Variants in TEX9 observed in about 807,000 individuals in gnomAD.
TEX9 encodes testis expressed 9.
TEX9 carries 74 observed loss-of-function variants against 59.6 expected under a neutral mutation model. The observed-to-expected ratio is 1.24, with a 90% CI of 1.03 to 1.51. The LOEUF is 1.51. Among genes scored for constraint, TEX9 ranks in the 40% most tolerant of loss-of-function variants. The pLI is 0.00. For synonymous variants in TEX9, 186 were observed against 152.2 expected (o/e 1.22, Z -1.64); for missense variants, 522 against 447.8 (o/e 1.17, Z -1.49).
intron 1 of TEX9, among the ~76,000 whole-genome samples, chr15:56,336,664 A>G (rs982501859): frequency 3.9e-5 from 6 of 152,196 alleles, no homozygotes; most frequent in African/African-American, 1.4e-4. Flanking sequence ...CATAAGCATT[A>G]CCTATATGAG....
chr15:56,420,920 T>C (rs1389671509), intron 10 of TEX9, among the ~76,000 whole-genome samples: 4 of 151,956 alleles, frequency 2.6e-5, no homozygotes, highest in Admixed American at 6.5e-5. Flanking sequence ...TTGGTTTTAT[T>C]TGAATCACTC....
chr15:56,460,008 A>T, the TEX9 span, among the ~76,000 whole-genome samples: 1 of 55,800 alleles, frequency 1.8e-5, no homozygotes, highest in Admixed American at 2.3e-4. Flanking sequence ...AAAAAAAAAA[A>T]AATACATATA....
At chr15:56,316,161 A>G (rs1376763876) in intron 1 of TEX9, among the ~76,000 whole-genome samples, 2 of 144,700 alleles carry the variant, frequency 1.4e-5, no homozygotes, top group African/African-American at 4.9e-5. Context: ...CGTCAAAGTC[A>G]TTCTCCATCC....
intron 1 of TEX9, among the ~76,000 whole-genome samples, chr15:56,297,785 G>C (rs1374510970): frequency 2.0e-5 from 3 of 152,202 alleles, no homozygotes; most frequent in Non-Finnish European, 4.4e-5. Flanking sequence ...GGTAACAGGC[G>C]TGAGCCACCG....
At chr15:56,253,300 C>T (rs1386303104) in intron 1 of TEX9, among the ~76,000 whole-genome samples, 1 of 152,062 alleles carries the variant, frequency 6.6e-6, no homozygotes, top group Non-Finnish European at 1.5e-5. Flanking sequence ...AAAAAAACCC[C>T]AAAAATCATA....
chr15:56,406,752 G>A (rs552858060), intron 9 of TEX9, among the ~76,000 whole-genome samples: 16 of 151,978 alleles, frequency 1.1e-4, no homozygotes, highest in East Asian at 5.8e-4. Flanking sequence ...CTTCTTTTGC[G>A]ATGTATTTGT....
chr15:56,454,376 T>TAGTTA, the TEX9 span, among the ~76,000 whole-genome samples: 1 of 100,826 alleles, frequency 9.9e-6, no homozygotes, highest in East Asian at 2.5e-4. Context: ...ATACTCTTTA[T>TAGTTA]TTTTAAATGT....
intron 7 of TEX9, among the ~76,000 whole-genome samples, chr15:56,392,036 A>C (rs2048240194): frequency 6.6e-6 from 1 of 151,956 alleles, no homozygotes; most frequent in Non-Finnish European, 1.5e-5. Context: ...CAAAAAAGTA[A>C]GACAATTGAG....
At chr15:56,375,287 G>A (rs1200612071) in intron 3 of TEX9, among the ~76,000 whole-genome samples, 1 of 152,134 alleles carries the variant, frequency 6.6e-6, no homozygotes, top group East Asian at 1.9e-4. Flanking sequence ...ATTTTTTCAT[G>A]TGTTTTTTGG....
intron 10 of TEX9, 131 bp from the exon 11 acceptor site, chr15:56,427,474 A>G: frequency 1.7e-6 from 1 of 573,300 alleles, no homozygotes; most frequent in Non-Finnish European, 2.7e-6. Context: ...ATGGAAAGCA[A>G]TTTTTATCTA....
chr15:56,356,145 G>A (rs1307745430), intron 1 of TEX9, among the ~76,000 whole-genome samples: 1 of 152,082 alleles, frequency 6.6e-6, no homozygotes, highest in Non-Finnish European at 1.5e-5. Flanking sequence ...ATACAAGGTG[G>A]AACCTTCAGT....
chr15:56,429,543 T>C (rs952490832), intron 12 of TEX9: 1 of 160,662 alleles, frequency 6.2e-6, no homozygotes, highest in African/African-American at 2.4e-5. Flanking sequence ...TAATATGATA[T>C]AATGGTGAGC....
chr15:56,286,495 G>A (rs2044956427), intron 1 of TEX9, among the ~76,000 whole-genome samples: 1 of 152,122 alleles, frequency 6.6e-6, no homozygotes, highest in African/African-American at 2.4e-5. Context: ...CAGGACATAA[G>A]CAGTCTTAAA....
chr15:56,296,447 A>G (rs567237287), intron 1 of TEX9, among the ~76,000 whole-genome samples: 2 of 152,344 alleles, frequency 1.3e-5, no homozygotes, highest in East Asian at 3.9e-4. Context: ...CATTAAAATT[A>G]GCTGGGGATT....
At chr15:56,279,985 G>A (rs2141448076) in intron 1 of TEX9, among the ~76,000 whole-genome samples, 1 of 152,352 alleles carries the variant, frequency 6.6e-6, no homozygotes, top group African/African-American at 2.4e-5. Flanking sequence ...GCAATAAGCT[G>A]TAGCTCCCAG....
chr15:56,261,950 C>T (rs187257707), intron 1 of TEX9, among the ~76,000 whole-genome samples: 18 of 152,210 alleles, frequency 1.2e-4, no homozygotes, highest in East Asian at 3.9e-4. Flanking sequence ...GCTGTACTGA[C>T]GAAATGTACT....
intron 9 of TEX9, 132 bp downstream of exon 9, chr15:56,394,966 C>A: frequency 1.1e-6 from 1 of 878,278 alleles, no homozygotes; most frequent in Non-Finnish European, 1.7e-6. Context: ...TTTCCCCTTA[C>A]ATAGAATATT....
At chr15:56,421,500 T>C (rs2049975037) in intron 10 of TEX9, 1 of 151,914 alleles carries the variant, frequency 6.6e-6, no homozygotes, top group Admixed American at 6.5e-5. Flanking sequence ...TTACCTTTGT[T>C]TGATATTCAT....
intron 1 of TEX9, among the ~76,000 whole-genome samples, chr15:56,265,545 T>A (rs1596051903): frequency 6.6e-6 from 1 of 152,162 alleles, no homozygotes; most frequent in East Asian, 1.9e-4. Flanking sequence ...CCCAATAATT[T>A]TGATATGATG....
Sources: gnomAD v4.1 joint callset for allele counts (sites outside exome capture counted in the v4.1 genomes callset) on GRCh38, gnomAD v4.1.1 for gene constraint, MANE v1.5 for transcripts, NCBI Gene and HGNC (gene_info 2026-07-23, HGNC 2026-07-21) for gene names.